The following CLASRP variants were observed in gnomAD, a reference collection of about 807,000 sequenced individuals.
CLASRP encodes CLK4 associating serine/arginine rich protein.
A neutral mutation model predicts 99.9 loss-of-function variants in CLASRP; 52 were observed. The observed-to-expected ratio is 0.52, with a 90% CI of 0.42 to 0.66. CLASRP has a LOEUF of 0.66. Among genes scored for constraint, CLASRP ranks in the 30% least tolerant of loss-of-function variants. CLASRP has a pLI of 0.00. For synonymous variants in CLASRP, 379 were observed against 373.0 expected (o/e 1.02, Z -0.18); for missense variants, 848 against 999.2 (o/e 0.85, Z 2.04).
Position 45,069,062 on chromosome 19 carries a change from A to C in CLASRP, c.1769-4A>C, listed in dbSNP as rs776292052. The C allele has an allele frequency of 2.5e-6, 4 of 1,613,672 alleles. No individual in the cohort carries two copies. Among genetic ancestry groups the C allele is most frequent in the Non-Finnish European group, 3.4e-6 (4 of 1,179,848 alleles). Reference sequence around the variant, plus strand: ...CTCAGCCACCCTGTTCTTTCTCTCTACAGTCAAGGCGGATAAGAAGGCGGC... The same window carrying C: ...CTCAGCCACCCTGTTCTTTCTCTCTCCAGTCAAGGCGGATAAGAAGGCGGC... On this transcript the variant is annotated splice_region_variant and splice_polypyrimidine_tract_variant and intron_variant, in intron 16 of 20. Coordinates refer to ENST00000221455, the MANE Select transcript of CLASRP (RefSeq NM_007056.3).
intron 2 of CLASRP, among the ~76,000 whole-genome samples, chr19:45,050,045 G>A (rs1340791558): frequency 2.0e-5 from 3 of 152,142 alleles, no homozygotes; most frequent in Non-Finnish European, 4.4e-5. Context: ...AATAAGCGGG[G>A]GAGCAGAAGC....
At chr19:45,053,848 T>C (rs2122559981) in intron 5 of CLASRP, among the ~76,000 whole-genome samples, 1 of 152,268 alleles carries the variant, frequency 6.6e-6, no homozygotes, top group African/African-American at 2.4e-5. Context: ...TCTGAACTCC[T>C]GGGCTCAAGT....
In CLASRP at chr19:45,042,950, A is replaced by G. The variant is rs534975018; in HGVS notation, c.99+2639A>G. Among the ~76,000 whole-genome samples the G allele has an allele frequency of 7.9e-5, 12 of 152,282 alleles. No individual in the cohort carries two copies. The East Asian group carries it at 1.5e-3, about 20-fold the overall frequency. On this transcript the variant is annotated intron_variant, in intron 2 of 20. Transcript: ENST00000221455. ...AATCTGAAACTTTCTGCATACTGACATGATGCCCCACTATAAGTGGAAAGT... is the reference window on the plus strand; with the variant it reads ...AATCTGAAACTTTCTGCATACTGACGTGATGCCCCACTATAAGTGGAAAGT...
At chr19:45,039,428 A>T (rs1284998619) in intron 1 of CLASRP, 15 of 149,958 alleles carry the variant, frequency 1.0e-4, no homozygotes, top group Admixed American at 1.0e-3. Context: ...AGCCCCGTCC[A>T]AACCTTCGGT....
chr19:45,052,831 T>G lies in CLASRP; in HGVS notation c.238T>G (p.Phe80Val), dbSNP rs1437282180. 1 of 1,612,500 alleles carries G rather than the reference T, an allele frequency of 6.2e-7. No homozygotes were observed. Among genetic ancestry groups the G allele is most frequent in the Non-Finnish European group, 8.5e-7 (1 of 1,179,460 alleles). ...QGDTNNMIDR[F>V]DVRAHLDHIP... The stretch of plus-strand genomic sequence containing the variant: ...GGACACCAACAACATGATTGACCGA[T>G]TCGATGTCCGTGCCCACCTGGACCA... The change falls in exon 4 of 21, where the codon TTC (phenylalanine) becomes GTC (valine). Residue 80 changes from phenylalanine (F) to valine (V), a missense_variant. Phe to Val is a conservative substitution (Grantham distance 50). This residue lies in a region of CLASRP where 46 missense variants were observed against 96.8 expected (regional missense o/e 0.48). Transcript: ENST00000221455.
At chr19:45,068,213 C>T (rs975509849) in intron 15 of CLASRP, 159 bp downstream of exon 15, 13 of 687,070 alleles carry the variant, frequency 1.9e-5, no homozygotes, top group Non-Finnish European at 3.2e-5. Flanking sequence ...GAACCATGTC[C>T]CTCTCCCCTC....
chr19:45,056,849 C>G (rs1972128139), intron 6 of CLASRP, among the ~76,000 whole-genome samples: 1 of 152,154 alleles, frequency 6.6e-6, no homozygotes, highest in African/African-American at 2.4e-5. Context: ...GCTGTGCTTC[C>G]CTGTAAAATG....
At chr19:45,051,554 C>G (rs915465185) in intron 2 of CLASRP, among the ~76,000 whole-genome samples, 3 of 152,132 alleles carry the variant, frequency 2.0e-5, no homozygotes, top group African/African-American at 7.2e-5. Flanking sequence ...GACCTGCCTG[C>G]CTTGGCCTCC....
At position 45,052,000 on chromosome 19, in the gene CLASRP, T is replaced by A. The variant is rs1047335138; in HGVS notation, c.100-71T>A. 6.8e-6 allele frequency: 8 copies of A among 1,175,632 alleles called. No homozygotes were observed. The Admixed American group carries it at 1.4e-4, about 20-fold the overall frequency. The allele number at this position is 1,175,632 out of a possible 1,614,324, so 72.8% of individuals were successfully genotyped here. A position where few individuals can be genotyped will look rare whatever the true frequency, so the allele number is the denominator to read the frequency against. On this transcript the variant is annotated intron_variant, in intron 2 of 20. Transcript: ENST00000221455. ...AAAAGAAGTGAGCTTGCTGCTAAGC[T>A]CGGTTGTGTGTGAGGGGGTGGGGTT...
chr19:45,052,699 T>C (rs1427577588), intron 3 of CLASRP, 92 bp from the exon 4 acceptor site: 1 of 922,336 alleles, frequency 1.1e-6, no homozygotes, highest in Non-Finnish European at 1.7e-6. Flanking sequence ...AGGGCCAGGC[T>C]TCTAAGCCTC....
chr19:45,053,007 G>C (rs756322732), intron 4 of CLASRP, 91 bp from the exon 5 acceptor site: 19 of 1,552,990 alleles, frequency 1.2e-5, no homozygotes, highest in Non-Finnish European at 1.4e-5. Context: ...ACCGCCCTGA[G>C]CCTGAGGGGG....
intron 2 of CLASRP, among the ~76,000 whole-genome samples, chr19:45,044,440 T>A (rs1026995079): frequency 4.6e-5 from 7 of 152,088 alleles, no homozygotes; most frequent in Admixed American, 3.9e-4. Flanking sequence ...AGGACAAAAC[T>A]GGAGCACGGA....
At chr19:45,039,969 C>A in intron 1 of CLASRP, 2 of 396,788 alleles carry the variant, frequency 5.0e-6, no homozygotes, top group Non-Finnish European at 4.8e-6. Context: ...TCAGAATCAC[C>A]TGAGGGTTTT....
intron 20 of CLASRP, 80 bp from the exon 21 acceptor site, chr19:45,070,723 G>A (rs574964804): frequency 4.8e-5 from 65 of 1,353,142 alleles, no homozygotes; most frequent in Middle Eastern, 3.6e-4. Context: ...CAAGTGCCCC[G>A]ATCACTGAAG....
At chr19:45,051,112 AATG>A in intron 2 of CLASRP, among the ~76,000 whole-genome samples, 1 of 152,148 alleles carries the variant, frequency 6.6e-6, no homozygotes, top group Non-Finnish European at 1.5e-5. Flanking sequence ...CCTGATGGCT[AATG>A]ATGTTGGTCA....
chr19:45,048,521 T>C (rs1429578239), intron 2 of CLASRP, among the ~76,000 whole-genome samples: 2 of 149,146 alleles, frequency 1.3e-5, no homozygotes, highest in Non-Finnish European at 3.0e-5. Context: ...AGTGAAACTC[T>C]TGTCTCAAAA....
chr19:45,070,856 G>T lies in CLASRP; in HGVS notation c.*11G>T, dbSNP rs770925637. 1.3e-6 allele frequency: 2 copies of T among 1,553,906 alleles called. No homozygotes were observed. The highest frequency in any genetic ancestry group is 1.8e-6 in the Non-Finnish European group (2 of 1,129,592). ...CATTACCGACATTAGGCAGAAGAGT[G>T]GGGGGTGGGGAGGACAAGGGGGTGG... On this transcript the variant is annotated 3_prime_UTR_variant, in exon 21 of 21. Transcript: ENST00000221455.
chr19:45,043,195 T>TTGTG (rs58669276), intron 2 of CLASRP, among the ~76,000 whole-genome samples: 26,821 of 134,508 alleles, frequency 0.2, 2,749 homozygotes, highest in Non-Finnish European at 0.22. Context: ...AAGGAATACT[T>TTGTG]TGTGTGTGTG....
chr19:45,048,302 C>T (rs1193086365), intron 2 of CLASRP, among the ~76,000 whole-genome samples: 1 of 148,574 alleles, frequency 6.7e-6, no homozygotes, highest in Admixed American at 6.8e-5. Context: ...TTTGGGAGGC[C>T]GAGGCGGGTG....
Sources: gnomAD v4.1 joint callset for allele counts (sites outside exome capture counted in the v4.1 genomes callset) on GRCh38, gnomAD v4.1.1 for gene constraint, gnomAD v4.1.1 regional missense constraint, MANE v1.5 for transcripts, NCBI Gene and HGNC (gene_info 2026-07-23, HGNC 2026-07-21) for gene names.